EFNA5: variants seen among roughly 807,000 people sequenced by gnomAD.
The protein encoded by EFNA5 is ephrin A5.
In EFNA5, 5 loss-of-function variants were observed where a neutral mutation model predicts 22.9. The ratio of observed to expected loss-of-function variants is 0.22; its 90% CI spans 0.11 to 0.46. The LOEUF (loss-of-function observed/expected upper bound fraction) is 0.46. Ranked by LOEUF, EFNA5 falls within the 20% of genes least tolerant of loss-of-function variation. EFNA5 has a pLI of 0.99. For synonymous variants in EFNA5, 113 were observed against 112.2 expected, an observed-to-expected ratio of 1.01 and a Z score of -0.04; for missense variants, 237 against 293.3, an observed-to-expected ratio of 0.81 and a Z score of 1.40.
intron 1 of EFNA5, among the ~76,000 whole-genome samples, chr5:107,667,127 A>G (rs1392030375): frequency 2.0e-5 from 3 of 152,112 alleles, no homozygotes; most frequent in African/African-American, 7.2e-5. Context: ...TAAAACTTAT[A>G]CAAGTTTTCA....
At chr5:107,497,442 C>T (rs1372153573) in intron 1 of EFNA5, among the ~76,000 whole-genome samples, 2 of 152,054 alleles carry the variant, frequency 1.3e-5, no homozygotes, top group Non-Finnish European at 2.9e-5. Flanking sequence ...AGATAGGCTG[C>T]CTAAGACGTA....
chr5:107,657,427 T>A (rs1750853067), intron 1 of EFNA5, among the ~76,000 whole-genome samples: 1 of 152,092 alleles, frequency 6.6e-6, no homozygotes. Context: ...CCAAATTCAC[T>A]GTTTGAGAAC....
At chr5:107,480,382 C>T (rs755571693) in intron 1 of EFNA5, among the ~76,000 whole-genome samples, 3 of 152,322 alleles carry the variant, frequency 2.0e-5, no homozygotes, top group South Asian at 2.1e-4. Flanking sequence ...AAAGATGTAT[C>T]AAAGATGCTC....
intron 1 of EFNA5, among the ~76,000 whole-genome samples, chr5:107,648,574 T>C (rs1750671510): frequency 6.6e-6 from 1 of 152,186 alleles, no homozygotes; most frequent in African/African-American, 2.4e-5. Context: ...CCATTTTTAA[T>C]TCTTAGAATT....
At chr5:107,496,623 T>C (rs1226652749) in intron 1 of EFNA5, among the ~76,000 whole-genome samples, 1 of 152,220 alleles carries the variant, frequency 6.6e-6, no homozygotes, top group African/African-American at 2.4e-5. Context: ...ATGCCTTTTG[T>C]GGGAAAATGT....
At chr5:107,658,610 A>C (rs1468858510) in intron 1 of EFNA5, among the ~76,000 whole-genome samples, 1 of 152,184 alleles carries the variant, frequency 6.6e-6, no homozygotes, top group Non-Finnish European at 1.5e-5. Context: ...CTCTATGAAA[A>C]GTTCAGCGCA....
At chr5:107,523,370 T>C (rs1747634367) in intron 1 of EFNA5, among the ~76,000 whole-genome samples, 1 of 152,164 alleles carries the variant, frequency 6.6e-6, no homozygotes, top group African/African-American at 2.4e-5. Context: ...AAACAATCTG[T>C]GTTTAATGTT....
intron 1 of EFNA5, among the ~76,000 whole-genome samples, chr5:107,447,708 G>A (rs763393643): frequency 2.6e-5 from 4 of 152,182 alleles, no homozygotes; most frequent in Non-Finnish European, 5.9e-5. Context: ...GGCTTCTCAG[G>A]CAAGGCAAAA....
At chr5:107,621,603 C>T (rs755440104) in intron 1 of EFNA5, among the ~76,000 whole-genome samples, 9 of 152,296 alleles carry the variant, frequency 5.9e-5, no homozygotes, top group South Asian at 4.1e-4. Flanking sequence ...GCTCCACCCC[C>T]CTGAGGCAGC....
At chr5:107,527,489 G>A (rs1747719858) in intron 1 of EFNA5, among the ~76,000 whole-genome samples, 2 of 151,958 alleles carry the variant, frequency 1.3e-5, no homozygotes, top group African/African-American at 4.8e-5. Flanking sequence ...GTTTCACCAT[G>A]TTGGCCAGGC....
At chr5:107,620,071 C>A (rs1165571163) in intron 1 of EFNA5, among the ~76,000 whole-genome samples, 2 of 152,194 alleles carry the variant, frequency 1.3e-5, no homozygotes, top group Admixed American at 1.3e-4. Flanking sequence ...ATACAGAGTG[C>A]CTTATTCAGA....
intron 1 of EFNA5, among the ~76,000 whole-genome samples, chr5:107,668,532 AG>A (rs1751120180): frequency 6.6e-6 from 1 of 152,224 alleles, no homozygotes; most frequent in African/African-American, 2.4e-5. Context: ...GTTTTAACCC[AG>A]GAAGACTGGA....
At chr5:107,426,962 T>TA (rs1208912278) in intron 2 of EFNA5, 24 of 399,820 alleles carry the variant, frequency 6.0e-5, no homozygotes, top group South Asian at 9.4e-5. Flanking sequence ...AATTTTCATT[T>TA]AAAAAAAATA....
intron 2 of EFNA5, among the ~76,000 whole-genome samples, chr5:107,413,704 T>A (rs1748430920): frequency 6.6e-6 from 1 of 152,166 alleles, no homozygotes. Flanking sequence ...AAAAATTTTG[T>A]TCAATTGTAC....
intron 1 of EFNA5, among the ~76,000 whole-genome samples, chr5:107,610,794 T>C (rs1333972867): frequency 1.3e-5 from 2 of 152,156 alleles, no homozygotes; most frequent in Non-Finnish European, 2.9e-5. Flanking sequence ...CCCTGGCACT[T>C]TTTCTAGCAG....
intron 1 of EFNA5, among the ~76,000 whole-genome samples, chr5:107,477,042 G>C (rs1279441218): frequency 6.6e-6 from 1 of 152,068 alleles, no homozygotes; most frequent in Non-Finnish European, 1.5e-5. Context: ...GGTGCTGCTG[G>C]GTCTGTGACA....
At chr5:107,561,231 C>T (rs1029789640) in intron 1 of EFNA5, among the ~76,000 whole-genome samples, 1 of 152,082 alleles carries the variant, frequency 6.6e-6, no homozygotes, top group African/African-American at 2.4e-5. Flanking sequence ...TGATTTTGGT[C>T]TTTACAGGGT....
intron 2 of EFNA5, among the ~76,000 whole-genome samples, chr5:107,405,785 T>C (rs1748192753): frequency 6.6e-6 from 1 of 151,932 alleles, no homozygotes; most frequent in Non-Finnish European, 1.5e-5. Context: ...CCATGGTCTA[T>C]GATGAACCGC....
At chr5:107,528,087 G>A (rs916096852) in intron 1 of EFNA5, among the ~76,000 whole-genome samples, 9 of 152,164 alleles carry the variant, frequency 5.9e-5, no homozygotes, top group Admixed American at 2.0e-4. Context: ...ACATTGGCAC[G>A]GAGCTGGTAA....
Sources: allele counts gnomAD v4.1 joint callset (sites outside exome capture counted in the v4.1 genomes callset), GRCh38; gene constraint gnomAD v4.1.1; transcripts MANE v1.5; gene names NCBI Gene and HGNC (gene_info 2026-07-23, HGNC 2026-07-21).